TUSC3: variants seen among roughly 807,000 people sequenced by gnomAD.
TUSC3 encodes tumor suppressor candidate 3.
In TUSC3, 45 loss-of-function variants were observed where a neutral mutation model predicts 44.8. The observed-to-expected ratio is 1.00, with a 90% CI of 0.79 to 1.29. TUSC3 has a LOEUF of 1.29. TUSC3 is among the 50% of genes most tolerant of loss of function. The pLI is 0.00. For missense variants in TUSC3, 519 were observed against 437.9 expected (o/e 1.19, Z -1.65); for synonymous variants, 212 against 152.9 (o/e 1.39, Z -2.85).
chr8:15,691,306 C>A (rs1051401432), intron 6 of TUSC3, among the ~76,000 whole-genome samples: 3 of 151,912 alleles, frequency 2.0e-5, no homozygotes, highest in Admixed American at 6.6e-5. Context: ...TTGGCTTTCA[C>A]CTTGGATGTT....
chr8:15,699,291 C>G (rs1467221989), intron 6 of TUSC3, among the ~76,000 whole-genome samples: 1 of 152,038 alleles, frequency 6.6e-6, no homozygotes, highest in African/African-American at 2.4e-5. Flanking sequence ...TAAAGGCATT[C>G]TCATTTTAGA....
At chr8:15,663,284 T>A (rs1374801847) in intron 5 of TUSC3, among the ~76,000 whole-genome samples, 1 of 150,040 alleles carries the variant, frequency 6.7e-6, no homozygotes, top group Non-Finnish European at 1.5e-5. Flanking sequence ...ATCTTATAGA[T>A]AAGTATTGTC....
chr8:15,540,922 G>T (rs1361576147), intron 1 of TUSC3, among the ~76,000 whole-genome samples: 6 of 152,224 alleles, frequency 3.9e-5, no homozygotes, highest in Non-Finnish European at 8.8e-5. Flanking sequence ...TTATAAGCCT[G>T]CAGGAAATAT....
At chr8:15,694,211 G>A (rs1393686656) in intron 6 of TUSC3, among the ~76,000 whole-genome samples, 1 of 152,030 alleles carries the variant, frequency 6.6e-6, no homozygotes, top group Non-Finnish European at 1.5e-5. Context: ...GGGAGGATGA[G>A]GCGGGCAGAT....
At chr8:15,421,786 T>C (rs1400916945) in intron 1 of TUSC3, among the ~76,000 whole-genome samples, 1 of 152,182 alleles carries the variant, frequency 6.6e-6, no homozygotes, top group Admixed American at 6.5e-5. Context: ...ATCATAGACC[T>C]AATGTGGCAT....
the TUSC3 span, among the ~76,000 whole-genome samples, chr8:15,843,499 G>C: frequency 2.6e-5 from 4 of 151,854 alleles, no homozygotes; most frequent in Non-Finnish European, 2.9e-5. Context: ...TTCTTAGGCA[G>C]TTGGATAGAA....
intron 1 of TUSC3, among the ~76,000 whole-genome samples, chr8:15,457,217 A>G (rs1394544793): frequency 6.6e-6 from 1 of 151,890 alleles, no homozygotes; most frequent in Non-Finnish European, 1.5e-5. Flanking sequence ...ACCTAAAGTA[A>G]ATGACGAGTT....
chr8:15,761,850 T>C (rs1812180418), intron 10 of TUSC3, among the ~76,000 whole-genome samples: 1 of 152,060 alleles, frequency 6.6e-6, no homozygotes. Flanking sequence ...GAAAAAACAA[T>C]ATCCAGGCAC....
upstream of TUSC3, among the ~76,000 whole-genome samples, chr8:15,539,131 G>T (rs1016376459): frequency 6.6e-6 from 1 of 151,872 alleles, no homozygotes; most frequent in South Asian, 2.1e-4. Context: ...TTACAGGTGT[G>T]AGCCACCGTG....
chr8:15,461,312 T>G (rs1585053910), intron 1 of TUSC3, among the ~76,000 whole-genome samples: 1 of 152,250 alleles, frequency 6.6e-6, no homozygotes, highest in Admixed American at 6.5e-5. Context: ...GTAAAAATGG[T>G]TAAGTTCTTG....
chr8:15,738,480 A>G (rs780877154), intron 7 of TUSC3, among the ~76,000 whole-genome samples: 5 of 152,170 alleles, frequency 3.3e-5, no homozygotes, highest in Admixed American at 6.5e-5. Flanking sequence ...GGAACACAGA[A>G]ACACCCATTC....
At chr8:15,496,864 G>A (rs2129126448) in intron 2 of TUSC3, among the ~76,000 whole-genome samples, 1 of 152,190 alleles carries the variant, frequency 6.6e-6, no homozygotes, top group East Asian at 1.9e-4. Context: ...AACAGAGTTA[G>A]AAGAAGCTGG....
rs1403077119 is a variant in TUSC3, at chr8:15,765,312, T to A, written c.*1156T>A. 2 of 151,982 alleles carry A rather than the reference T, an allele frequency of 1.3e-5. No homozygotes were observed. The highest frequency in any genetic ancestry group is 2.9e-5 in the Non-Finnish European group (2 of 67,926). The allele number at this position is 151,982 out of a possible 1,614,324, so 9.4% of individuals were successfully genotyped here. On this transcript the variant is annotated 3_prime_UTR_variant, in exon 11 of 11. Transcript: ENST00000503731. ...ATTCTGTGGAGTTATCCAAATTAAT[T>A]AGGGTTTAGGAAAGCAGTTCTTCTT...
the TUSC3 span, among the ~76,000 whole-genome samples, chr8:15,818,620 C>A: frequency 6.6e-6 from 1 of 152,270 alleles, no homozygotes; most frequent in South Asian, 2.1e-4. Context: ...AGGATCAGAA[C>A]AGGGTTTTTA....
chr8:15,679,735 A>C (rs1261950042), intron 6 of TUSC3, among the ~76,000 whole-genome samples: 1 of 152,094 alleles, frequency 6.6e-6, no homozygotes, highest in Non-Finnish European at 1.5e-5. Context: ...AGGTATTTTT[A>C]AGTCTTTAAT....
chr8:15,643,415 T>TTTG (rs1806476137), intron 2 of TUSC3, among the ~76,000 whole-genome samples: 1 of 152,040 alleles, frequency 6.6e-6, no homozygotes, highest in Non-Finnish European at 1.5e-5. Flanking sequence ...TAGTTGTTTT[T>TTTG]TTTTTTTTAA....
chr8:15,500,402 G>C (rs1800943664), intron 2 of TUSC3, among the ~76,000 whole-genome samples: 1 of 152,058 alleles, frequency 6.6e-6, no homozygotes, highest in South Asian at 2.1e-4. Flanking sequence ...TCCCTCTATA[G>C]TCATCACATT....
chr8:15,493,177 A>G (rs1269312209), intron 2 of TUSC3, among the ~76,000 whole-genome samples: 1 of 152,212 alleles, frequency 6.6e-6, no homozygotes, highest in Non-Finnish European at 1.5e-5. Context: ...AGTGAATGAA[A>G]GAACCAAAAA....
intron 1 of TUSC3, among the ~76,000 whole-genome samples, chr8:15,592,387 T>C (rs750020578): frequency 2.0e-5 from 3 of 152,204 alleles, no homozygotes; most frequent in Non-Finnish European, 2.9e-5. Context: ...TGTCAAAATG[T>C]GATCCCAATG....
Sources: allele counts gnomAD v4.1 joint callset (sites outside exome capture counted in the v4.1 genomes callset), GRCh38; gene constraint gnomAD v4.1.1; transcripts MANE v1.5; gene names NCBI Gene and HGNC (gene_info 2026-07-23, HGNC 2026-07-21).